NXPH1: variants seen among roughly 807,000 people sequenced by gnomAD.
The protein encoded by NXPH1 is neurexophilin-1.
NXPH1 carries 5 observed loss-of-function variants against 23.7 expected under a neutral mutation model. The ratio of observed to expected loss-of-function variants is 0.21; its 90% CI spans 0.11 to 0.44. The LOEUF (loss-of-function observed/expected upper bound fraction) is 0.44. Among genes scored for constraint, NXPH1 ranks in the 20% least tolerant of loss-of-function variants. The pLI, the probability that NXPH1 is intolerant of heterozygous loss-of-function variation, is 0.99. For synonymous variants in NXPH1, 144 were observed against 122.2 expected, an observed-to-expected ratio of 1.18 and a Z score of -1.18; for missense variants, 324 against 321.6, an observed-to-expected ratio of 1.01 and a Z score of -0.06.
intron 2 of NXPH1, among the ~76,000 whole-genome samples, chr7:8,713,632 G>C (rs2115199661): frequency 6.6e-6 from 1 of 152,198 alleles, no homozygotes; most frequent in Middle Eastern, 3.4e-3. Flanking sequence ...CTTGTGTGCT[G>C]TGATCTAAGT....
At chr7:8,587,397 C>T (rs1420228213) in intron 2 of NXPH1, among the ~76,000 whole-genome samples, 1 of 151,914 alleles carries the variant, frequency 6.6e-6, no homozygotes, top group Non-Finnish European at 1.5e-5. Flanking sequence ...ACTATAGGCA[C>T]CAACTTTTGA....
chr7:8,732,136 A>C (rs1307332128), intron 2 of NXPH1, among the ~76,000 whole-genome samples: 1 of 152,202 alleles, frequency 6.6e-6, no homozygotes, highest in Non-Finnish European at 1.5e-5. Flanking sequence ...TTCTTTGACT[A>C]GGAAAGGGAA....
intron 2 of NXPH1, among the ~76,000 whole-genome samples, chr7:8,630,988 C>T (rs536021547): frequency 1.3e-3 from 196 of 152,202 alleles, no homozygotes; most frequent in Non-Finnish European, 2.5e-3. Flanking sequence ...CATGTGTTCT[C>T]ATCATCTAGT....
intron 2 of NXPH1, among the ~76,000 whole-genome samples, chr7:8,526,360 G>T (rs1157398542): frequency 1.3e-5 from 2 of 152,174 alleles, no homozygotes; most frequent in African/African-American, 2.4e-5. Flanking sequence ...AGGCTCATAG[G>T]CGGAAGGGAC....
chr7:8,682,226 G>T (rs772996090), intron 2 of NXPH1, among the ~76,000 whole-genome samples: 3 of 152,186 alleles, frequency 2.0e-5, no homozygotes, highest in Non-Finnish European at 4.4e-5. Flanking sequence ...ACCTCTATAA[G>T]TCTCTTCTGG....
intron 2 of NXPH1, among the ~76,000 whole-genome samples, chr7:8,642,831 T>A (rs144922287): frequency 6.6e-5 from 10 of 152,222 alleles, no homozygotes; most frequent in Non-Finnish European, 1.5e-4. Context: ...TGTTTTACTA[T>A]GGATGTCTGG....
chr7:8,528,109 G>A (rs1386978237), intron 2 of NXPH1, among the ~76,000 whole-genome samples: 1 of 152,228 alleles, frequency 6.6e-6, no homozygotes, highest in Non-Finnish European at 1.5e-5. Flanking sequence ...AGGAGCTGTG[G>A]AAGTGGGGAG....
chr7:8,659,836 A>C (rs961287258), intron 2 of NXPH1, among the ~76,000 whole-genome samples: 18 of 152,224 alleles, frequency 1.2e-4, no homozygotes, highest in Admixed American at 1.3e-4. Flanking sequence ...TGTACTGTGC[A>C]CTTAGTCACC....
chr7:8,622,039 T>A (rs562919516), intron 2 of NXPH1, among the ~76,000 whole-genome samples: 1 of 152,278 alleles, frequency 6.6e-6, no homozygotes, highest in Non-Finnish European at 1.5e-5. Context: ...AGTATTGGTA[T>A]TTTTGGCAAG....
chr7:8,465,139 G>T (rs922065323), intron 2 of NXPH1, among the ~76,000 whole-genome samples: 2 of 152,216 alleles, frequency 1.3e-5, no homozygotes, highest in Admixed American at 6.5e-5. Flanking sequence ...TAGTATAGGG[G>T]ATCTCCCCAA....
intron 2 of NXPH1, among the ~76,000 whole-genome samples, chr7:8,729,175 C>G (rs1227047607): frequency 2.6e-5 from 4 of 151,082 alleles, no homozygotes; most frequent in African/African-American, 7.3e-5. Flanking sequence ...TCTGTGGGAT[C>G]GGTGGTGATA....
intron 2 of NXPH1, among the ~76,000 whole-genome samples, chr7:8,608,545 G>C (rs1005924899): frequency 2.6e-5 from 4 of 152,106 alleles, no homozygotes; most frequent in African/African-American, 9.7e-5. Context: ...GGTAGTGGCA[G>C]AGGTGGAGTG....
intron 2 of NXPH1, among the ~76,000 whole-genome samples, chr7:8,734,976 T>A (rs1780224036): frequency 6.6e-6 from 1 of 152,204 alleles, no homozygotes; most frequent in African/African-American, 2.4e-5. Flanking sequence ...GCTTGTGATT[T>A]TTGCACATTG....
At chr7:8,489,971 C>G (rs375268869) in intron 2 of NXPH1, among the ~76,000 whole-genome samples, 5 of 152,052 alleles carry the variant, frequency 3.3e-5, no homozygotes, top group African/African-American at 1.2e-4. Flanking sequence ...GAGCCTATGT[C>G]TTGGTCCCTC....
chr7:8,667,172 T>TA (rs1466501939), intron 2 of NXPH1, among the ~76,000 whole-genome samples: 3 of 151,500 alleles, frequency 2.0e-5, no homozygotes, highest in Admixed American at 6.6e-5. Flanking sequence ...AGCTGTTTTT[T>TA]TAAATACTTT....
Position 8,703,027 on chromosome 7 carries a change from G to A in NXPH1, c.55-47981G>A, listed in dbSNP as rs145633097. On this transcript the variant is annotated intron_variant, in intron 2 of 2. Coordinates refer to ENST00000405863, the MANE Select transcript of NXPH1 (RefSeq NM_152745.3). The stretch of plus-strand genomic sequence containing the variant: ...TCTGCCAATAGAGGGCACATGAGGA[G>A]GCTAGACATTGCTGGAGGAAGAGAG... Among the ~76,000 whole-genome samples, 59 of 152,254 alleles carry A rather than the reference G, an allele frequency of 3.9e-4. No homozygotes were observed. In the East Asian group the frequency reaches 7.9e-3, roughly 20 times the overall value.
chr7:8,523,566 T>C (rs1408962830), intron 2 of NXPH1, among the ~76,000 whole-genome samples: 1 of 152,238 alleles, frequency 6.6e-6, no homozygotes, highest in African/African-American at 2.4e-5. Flanking sequence ...AATAGGATTC[T>C]AAGGATTAGA....
At chr7:8,725,368 T>C (rs771414859) in intron 2 of NXPH1, among the ~76,000 whole-genome samples, 1 of 151,828 alleles carries the variant, frequency 6.6e-6, no homozygotes, top group African/African-American at 2.4e-5. Flanking sequence ...TGGGCGCCTG[T>C]AGTCCCAGCT....
chr7:8,540,381 A>C (rs1436903964), intron 2 of NXPH1, among the ~76,000 whole-genome samples: 3 of 151,862 alleles, frequency 2.0e-5, no homozygotes, highest in African/African-American at 7.2e-5. Context: ...CGACAAGTTT[A>C]AAGATGTTGG....
Sources: allele counts gnomAD v4.1 joint callset (sites outside exome capture counted in the v4.1 genomes callset), GRCh38; gene constraint gnomAD v4.1.1; transcripts MANE v1.5; gene names NCBI Gene and HGNC (gene_info 2026-07-23, HGNC 2026-07-21).